The following BMAL1 variants were observed in gnomAD, a reference collection of about 807,000 sequenced individuals.
BMAL1 encodes the protein basic helix-loop-helix ARNT like 1.
chr11:13,374,994 C>G, the BMAL1 span, among the ~76,000 whole-genome samples: 1 of 152,212 alleles, frequency 6.6e-6, no homozygotes, highest in Admixed American at 6.5e-5. Context: ...CCCTGCTGCT[C>G]CTCAGGCACT....
chr11:13,379,508 CAAACCCT>C, the BMAL1 span: 1 of 152,194 alleles, frequency 6.6e-6, no homozygotes, highest in African/African-American at 2.4e-5. Context: ...TAATCAGGTT[CAAACCCT>C]ATACTTTGCA....
the BMAL1 span, among the ~76,000 whole-genome samples, chr11:13,348,555 A>AG: frequency 6.6e-6 from 1 of 152,060 alleles, no homozygotes; most frequent in African/African-American, 2.4e-5. Flanking sequence ...AAGGAAGCCC[A>AG]GGGTAGGTTC....
chr11:13,363,512 C>T, the BMAL1 span, among the ~76,000 whole-genome samples: 7 of 152,140 alleles, frequency 4.6e-5, no homozygotes, highest in Non-Finnish European at 7.3e-5. Context: ...CAGGGACTTG[C>T]TTCCACAGAA....
At chr11:13,318,008 T>TA in the BMAL1 span, among the ~76,000 whole-genome samples, 4 of 152,200 alleles carry the variant, frequency 2.6e-5, no homozygotes, top group Non-Finnish European at 5.9e-5. Flanking sequence ...CAGCTCTTCA[T>TA]AAAAAATCAA....
chr11:13,352,957 A>G, the BMAL1 span, among the ~76,000 whole-genome samples: 37 of 152,358 alleles, frequency 2.4e-4, 1 homozygote, highest in Admixed American at 2.2e-3. Flanking sequence ...GGCACTTGTC[A>G]AGCCCTTTTC....
chr11:13,354,215 A>T, the BMAL1 span: 2 of 1,104,426 alleles, frequency 1.8e-6, no homozygotes, highest in Non-Finnish European at 2.4e-6. Context: ...CCACCACCAA[A>T]CCCCCAAGCA....
the BMAL1 span, chr11:13,378,413 A>C: frequency 6.2e-7 from 1 of 1,613,280 alleles, no homozygotes; most frequent in South Asian, 1.1e-5. Flanking sequence ...AAATAGGCCG[A>C]ATGATTGCTG....
the BMAL1 span, among the ~76,000 whole-genome samples, chr11:13,333,325 T>C: frequency 6.6e-6 from 1 of 152,228 alleles, no homozygotes; most frequent in Non-Finnish European, 1.5e-5. Context: ...GTCACAGCCC[T>C]GTCATTTTAC....
At chr11:13,299,186 T>C in the BMAL1 span, among the ~76,000 whole-genome samples, 2 of 152,206 alleles carry the variant, frequency 1.3e-5, no homozygotes, top group Non-Finnish European at 2.9e-5. Flanking sequence ...TCCAGTGGTA[T>C]ATTTAGAGCA....
At chr11:13,373,302 T>C in the BMAL1 span, among the ~76,000 whole-genome samples, 1 of 152,174 alleles carries the variant, frequency 6.6e-6, no homozygotes, top group Non-Finnish European at 1.5e-5. Flanking sequence ...TGCCTACTGC[T>C]TTCCCTCAGA....
chr11:13,278,047 C>T, the BMAL1 span: 4 of 151,990 alleles, frequency 2.6e-5, no homozygotes, highest in African/African-American at 9.7e-5. Context: ...CCGAAGAACC[C>T]TGCCCGACGT....
the BMAL1 span, among the ~76,000 whole-genome samples, chr11:13,362,404 A>G: frequency 6.6e-6 from 1 of 152,182 alleles, no homozygotes; most frequent in African/African-American, 2.4e-5. Context: ...TGTTTGTTGA[A>G]TGGCCCCACA....
the BMAL1 span, among the ~76,000 whole-genome samples, chr11:13,381,877 C>T: frequency 6.6e-6 from 1 of 152,150 alleles, no homozygotes; most frequent in Admixed American, 6.5e-5. Flanking sequence ...CCATCTTAAT[C>T]GTAAATTATA....
At chr11:13,319,582 A>G in the BMAL1 span, among the ~76,000 whole-genome samples, 1 of 152,248 alleles carries the variant, frequency 6.6e-6, no homozygotes, top group Non-Finnish European at 1.5e-5. Flanking sequence ...AAAAGCATTC[A>G]GAATATATGT....
At chr11:13,284,255 TATATATATATA>T in the BMAL1 span, among the ~76,000 whole-genome samples, 10 of 39,846 alleles carry the variant, frequency 2.5e-4, no homozygotes, top group Non-Finnish European at 4.2e-4. Flanking sequence ...TATATATATA[TATATATATATA>T]TTTTTTTTTT....
the BMAL1 span, among the ~76,000 whole-genome samples, chr11:13,359,043 C>T: frequency 2.0e-5 from 3 of 152,156 alleles, no homozygotes; most frequent in Admixed American, 1.3e-4. Flanking sequence ...TGTGGGTTCT[C>T]GCGACATTTT....
the BMAL1 span, among the ~76,000 whole-genome samples, chr11:13,352,036 T>G: frequency 5.3e-5 from 8 of 151,884 alleles, no homozygotes; most frequent in East Asian, 1.5e-3. Flanking sequence ...TGGTGCAGGA[T>G]TGGGCTGGGG....
chr11:13,381,723 G>T, the BMAL1 span, among the ~76,000 whole-genome samples: 7 of 152,168 alleles, frequency 4.6e-5, no homozygotes, highest in Non-Finnish European at 8.8e-5. Context: ...CTGCCTGGGG[G>T]TTCCATTGGT....
chr11:13,358,734 A>C, the BMAL1 span: 1 of 919,160 alleles, frequency 1.1e-6, no homozygotes, highest in Non-Finnish European at 1.5e-6. Flanking sequence ...CTTCAGCAAC[A>C]GCCGTGATGC....
Sources: gnomAD v4.1 joint callset for allele counts (sites outside exome capture counted in the v4.1 genomes callset) on GRCh38, gnomAD v4.1.1 for gene constraint, MANE v1.5 for transcripts, NCBI Gene and HGNC (gene_info 2026-07-23, HGNC 2026-07-21) for gene names.